PDE4D: variants seen among roughly 807,000 people sequenced by gnomAD.
PDE4D encodes 3',5'-cyclic-AMP phosphodiesterase 4D.
In PDE4D, 24 loss-of-function variants were observed where a neutral mutation model predicts 87.4. The ratio of observed to expected loss-of-function variants is 0.27; its 90% CI spans 0.20 to 0.39. The LOEUF (loss-of-function observed/expected upper bound fraction) is 0.39. PDE4D is among the 10% of genes least tolerant of loss of function. The pLI, the probability that PDE4D is intolerant of heterozygous loss-of-function variation, is 1.00. For synonymous variants in PDE4D, 384 were observed against 383.2 expected, an observed-to-expected ratio of 1.00 and a Z score of -0.02; for missense variants, 714 against 1,041.0, an observed-to-expected ratio of 0.69 and a Z score of 4.32.
intron 1 of PDE4D, among the ~76,000 whole-genome samples, chr5:60,307,332 G>A (rs897820472): frequency 6.6e-6 from 1 of 152,072 alleles, no homozygotes; most frequent in African/African-American, 2.4e-5. Context: ...TATGACACTA[G>A]CTCTAGACAA....
chr5:59,140,196 A>C (rs948777888), intron 5 of PDE4D, among the ~76,000 whole-genome samples: 3 of 152,376 alleles, frequency 2.0e-5, no homozygotes, highest in South Asian at 2.1e-4. Flanking sequence ...CAAGGGCAAC[A>C]GAGATGCTGG....
intron 1 of PDE4D, among the ~76,000 whole-genome samples, chr5:59,754,180 A>G (rs1278048901): frequency 2.6e-5 from 4 of 152,090 alleles, no homozygotes; most frequent in African/African-American, 9.7e-5. Flanking sequence ...AAATATAAAA[A>G]TTAGGCGGGT....
At chr5:59,853,819 T>C (rs1489174753) in intron 1 of PDE4D, among the ~76,000 whole-genome samples, 1 of 152,064 alleles carries the variant, frequency 6.6e-6, no homozygotes, top group East Asian at 1.9e-4. Flanking sequence ...CTATGTATAC[T>C]GAGTTTATCT....
At chr5:59,059,068 T>A (rs1762759530) in intron 5 of PDE4D, among the ~76,000 whole-genome samples, 1 of 152,184 alleles carries the variant, frequency 6.6e-6, no homozygotes, top group South Asian at 2.1e-4. Context: ...TCACTTCATT[T>A]AGTCAATAAC....
intron 4 of PDE4D, among the ~76,000 whole-genome samples, chr5:59,183,622 C>G (rs1302153546): frequency 1.3e-5 from 2 of 152,198 alleles, no homozygotes; most frequent in African/African-American, 4.8e-5. Flanking sequence ...ATTTCTTCTG[C>G]AGAGCTGAGA....
rs563090756 is a variant in PDE4D at position 60,205,067 on chromosome 5, T to A, written c.-89-19380A>T. ...TTTCAGCAGCTGGTCCTTATCATAC[T>A]CCCCCACCTTCCTTGTCTTCCAGGT... On this transcript the variant is annotated intron_variant, in intron 1 of 16. Coordinates refer to the PDE4D transcript ENST00000502484. Among the ~76,000 whole-genome samples, 54 of 152,266 alleles carry A rather than the reference T, an allele frequency of 3.5e-4. 1 individual carries two copies. The highest frequency in any genetic ancestry group is 3.3e-3 in the Admixed American group (51 of 15,296).
chr5:59,605,042 A>G (rs1289429031), intron 1 of PDE4D, among the ~76,000 whole-genome samples: 1 of 152,032 alleles, frequency 6.6e-6, no homozygotes, highest in Non-Finnish European at 1.5e-5. Context: ...CAGATATTAA[A>G]TTCCTGGGGA....
Position 59,968,006 on chromosome 5 carries a change from G to A in PDE4D, c.272+20482C>T, listed in dbSNP as rs1248592950. ...TTTTTTTTTTTTTTTTTTTTTGAGA[G>A]TGAGTTTCACTCTTATTGCCCAGGC... On this transcript the variant is annotated intron_variant, in intron 3 of 16. Transcript: ENST00000502484. Among the ~76,000 whole-genome samples, 49 of 114,326 alleles carry A rather than the reference G, an allele frequency of 4.3e-4. 2 individuals are homozygous for A. The Admixed American group carries it at 4.9e-3, about 11-fold the overall frequency. 75.0% of individuals were successfully genotyped at this position (114,326 alleles called of 152,430 possible). A position where few individuals can be genotyped will look rare whatever the true frequency, so the allele number is the denominator to read the frequency against.
chr5:59,874,731 C>T (rs1399188290), intron 1 of PDE4D, among the ~76,000 whole-genome samples: 1 of 152,228 alleles, frequency 6.6e-6, no homozygotes, highest in Admixed American at 6.5e-5. Context: ...TTCTCCCTTA[C>T]ATTCAATCAT....
intron 2 of PDE4D, among the ~76,000 whole-genome samples, chr5:60,106,164 T>G (rs1447101786): frequency 6.6e-6 from 1 of 151,430 alleles, no homozygotes. Context: ...TGGAGGAAGA[T>G]CTACCAAGCA....
intron 1 of PDE4D, among the ~76,000 whole-genome samples, chr5:60,427,255 G>A (rs1259757689): frequency 6.6e-6 from 1 of 152,130 alleles, no homozygotes. Flanking sequence ...CAGGCACATT[G>A]TAGTAAAACT....
chr5:59,857,809 A>G (rs1350343214), intron 1 of PDE4D, among the ~76,000 whole-genome samples: 1 of 151,540 alleles, frequency 6.6e-6, no homozygotes, highest in Non-Finnish European at 1.5e-5. Flanking sequence ...CTCAAATGAT[A>G]AGAATTGAAG....
intron 2 of PDE4D, among the ~76,000 whole-genome samples, chr5:60,115,751 C>T (rs1220741248): frequency 1.3e-5 from 2 of 152,032 alleles, no homozygotes; most frequent in East Asian, 1.9e-4. Flanking sequence ...AATAAGGGTA[C>T]TAGGTAGACA....
chr5:59,043,397 C>T (rs548244420), intron 5 of PDE4D, among the ~76,000 whole-genome samples: 66 of 152,080 alleles, frequency 4.3e-4, no homozygotes, highest in Non-Finnish European at 7.4e-4. Context: ...GTGGCGGGCG[C>T]CTGTAGTCCC....
At chr5:59,035,096 A>G (rs1050689186) in intron 6 of PDE4D, among the ~76,000 whole-genome samples, 3 of 152,222 alleles carry the variant, frequency 2.0e-5, no homozygotes, top group African/African-American at 4.8e-5. Flanking sequence ...TCCCATCCTC[A>G]ATATACTTTC....
At chr5:59,622,746 C>A (rs1206290556) in intron 1 of PDE4D, among the ~76,000 whole-genome samples, 1 of 152,194 alleles carries the variant, frequency 6.6e-6, no homozygotes, top group African/African-American at 2.4e-5. Flanking sequence ...CAGCCCAATT[C>A]TCAAACAACA....
chr5:59,804,719 C>G (rs1489405646), intron 1 of PDE4D, among the ~76,000 whole-genome samples: 1 of 152,136 alleles, frequency 6.6e-6, no homozygotes, highest in Non-Finnish European at 1.5e-5. Flanking sequence ...ACGAGGAAAT[C>G]CCCCTTGTTT....
chr5:59,430,591 C>T, intron 1 of PDE4D: 1 of 410,454 alleles, frequency 2.4e-6, no homozygotes. Context: ...AAATGTACTA[C>T]CTTGTTTTCT....
At chr5:59,174,863 T>C (rs1783579408) in intron 5 of PDE4D, among the ~76,000 whole-genome samples, 2 of 152,192 alleles carry the variant, frequency 1.3e-5, no homozygotes, top group South Asian at 4.1e-4. Context: ...CTCAGTTTTT[T>C]CATCTTTAAA....
Sources: gnomAD v4.1 joint callset for allele counts (sites outside exome capture counted in the v4.1 genomes callset) on GRCh38, gnomAD v4.1.1 for gene constraint, MANE v1.5 for transcripts, NCBI Gene and HGNC (gene_info 2026-07-23, HGNC 2026-07-21) for gene names.